The following AFF3 variants were observed in gnomAD, a reference collection of about 807,000 sequenced individuals.
The protein encoded by AFF3 is ALF transcription elongation factor 3.
A neutral mutation model predicts 129.7 loss-of-function variants in AFF3; 32 were observed. That is an observed-to-expected ratio of 0.25 (90% CI 0.19 to 0.33). The LOEUF (loss-of-function observed/expected upper bound fraction) is 0.33, where lower values mean the gene tolerates loss of function less well. Among genes scored for constraint, AFF3 ranks in the 10% least tolerant of loss-of-function variants. AFF3 has a pLI of 1.00. For missense variants in AFF3, 1,373 were observed against 1,592.0 expected (o/e 0.86, Z 2.34); for synonymous variants, 644 against 635.4 (o/e 1.01, Z -0.20).
In AFF3 at chr2:99,724,271, C is replaced by CTTTTTTTTTTTTTTTTTTTTTTT; in HGVS notation, c.1091+2805_1091+2806insAAAAAAAAAAAAAAAAAAAAAAA. ...TCCTCACTTCAGTGGAATGACCTTT[C>CTTTTTTTTTTTTTTTTTTTTTTT]TTTTTTTTTTTTTTTTTTTGAGACA... On this transcript the variant is annotated intron_variant, in intron 11 of 24. Transcript: ENST00000672756. 4.3e-3 allele frequency among the ~76,000 whole-genome samples: 289 copies of CTTTTTTTTTTTTTTTTTTTTTTT among 66,850 alleles called. 94 individuals are homozygous for CTTTTTTTTTTTTTTTTTTTTTTT. The highest frequency in any genetic ancestry group is 0.021 in the Middle Eastern group (1 of 48). The allele number at this position is 66,850 out of a possible 152,430, so 43.9% of individuals were successfully genotyped here.
At chr2:99,747,354 G>C (rs966037650) in intron 9 of AFF3, among the ~76,000 whole-genome samples, 6 of 150,272 alleles carry the variant, frequency 4.0e-5, no homozygotes, top group Non-Finnish European at 8.9e-5. Flanking sequence ...TTTAGAGACA[G>C]GGCCACATTC....
chr2:99,992,893 C>T (rs1162220407), intron 7 of AFF3, among the ~76,000 whole-genome samples: 4 of 152,202 alleles, frequency 2.6e-5, no homozygotes, highest in Non-Finnish European at 5.9e-5. Context: ...GACCTCATGT[C>T]CCAGCCTAAA....
At chr2:99,748,667 A>G (rs1387438250) in intron 9 of AFF3, among the ~76,000 whole-genome samples, 3 of 151,870 alleles carry the variant, frequency 2.0e-5, no homozygotes, top group South Asian at 2.1e-4. Context: ...AACCTTCTTG[A>G]CTCTAATGTT....
chr2:99,551,632 A>G, intron 24 of AFF3, 37 bp from the exon 25 acceptor site: 1 of 1,613,218 alleles, frequency 6.2e-7, no homozygotes, highest in Non-Finnish European at 8.5e-7. Flanking sequence ...AATGCCACAC[A>G]TGCTAGGTGT....
chr2:99,789,591 C>G (rs77115344), intron 8 of AFF3, among the ~76,000 whole-genome samples: 2,553 of 152,206 alleles, frequency 0.017, 53 homozygotes, highest in East Asian at 0.092. Context: ...GGCCTCTCTG[C>G]ATCCCCCCTG....
At chr2:99,987,875 C>T (rs1270164045) in intron 7 of AFF3, among the ~76,000 whole-genome samples, 1 of 152,198 alleles carries the variant, frequency 6.6e-6, no homozygotes, top group African/African-American at 2.4e-5. Context: ...GCTTATAAAA[C>T]ACTATGAACC....
At chr2:99,624,844 C>A (rs1001763198) in intron 13 of AFF3, among the ~76,000 whole-genome samples, 16 of 152,214 alleles carry the variant, frequency 1.1e-4, no homozygotes, top group African/African-American at 3.9e-4. Context: ...CTCGTGTCTG[C>A]CCTCCGGAGA....
intron 13 of AFF3, among the ~76,000 whole-genome samples, chr2:99,636,878 T>G (rs557881239): frequency 1.3e-5 from 2 of 152,328 alleles, no homozygotes; most frequent in Admixed American, 6.5e-5. Context: ...GCCAGCCCAG[T>G]GCAGCCAAGG....
chr2:100,069,803 TAGAA>T (rs1228205491), intron 4 of AFF3, among the ~76,000 whole-genome samples: 2 of 152,206 alleles, frequency 1.3e-5, no homozygotes, highest in Admixed American at 6.5e-5. Flanking sequence ...AATGCAGTAA[TAGAA>T]AGCCTATGAT....
intron 17 of AFF3, among the ~76,000 whole-genome samples, chr2:99,580,121 C>T (rs537861762): frequency 6.6e-5 from 10 of 152,190 alleles, no homozygotes; most frequent in Admixed American, 6.5e-4. Context: ...GGCCTCTGTT[C>T]CCCAGATTCA....
chr2:100,108,867 C>T (rs1691414956), intron 2 of AFF3, among the ~76,000 whole-genome samples: 1 of 148,574 alleles, frequency 6.7e-6, no homozygotes, highest in Non-Finnish European at 1.5e-5. Flanking sequence ...TGACATTCTA[C>T]ACCCTGGGAA....
intron 7 of AFF3, among the ~76,000 whole-genome samples, chr2:99,975,424 T>C (rs1477636509): frequency 6.6e-6 from 1 of 152,224 alleles, no homozygotes; most frequent in Non-Finnish European, 1.5e-5. Context: ...AGCAAGAAAG[T>C]CTGATTTCAA....
chr2:99,959,115 G>C (rs1676961013), intron 7 of AFF3, among the ~76,000 whole-genome samples: 1 of 151,994 alleles, frequency 6.6e-6, no homozygotes, highest in African/African-American at 2.4e-5. Context: ...AAATAAAGGA[G>C]AGGACAGCAA....
At chr2:99,983,936 A>G (rs1199684061) in intron 7 of AFF3, among the ~76,000 whole-genome samples, 3 of 152,140 alleles carry the variant, frequency 2.0e-5, no homozygotes, top group Non-Finnish European at 4.4e-5. Context: ...AAAGGTTTTT[A>G]TAAAACTCTG....
chr2:99,853,405 T>C (rs184146545), intron 7 of AFF3, among the ~76,000 whole-genome samples: 1 of 152,270 alleles, frequency 6.6e-6, no homozygotes, highest in African/African-American at 2.4e-5. Flanking sequence ...AATAAGATAG[T>C]AAGGAAGATT....
intron 11 of AFF3, among the ~76,000 whole-genome samples, chr2:99,711,274 C>T (rs543230462): frequency 1.3e-5 from 2 of 152,110 alleles, no homozygotes; most frequent in South Asian, 2.1e-4. Flanking sequence ...CTTGGCTCTG[C>T]GGCTCATGAC....
intron 7 of AFF3, among the ~76,000 whole-genome samples, chr2:99,865,667 G>A (rs1691335978): frequency 6.6e-6 from 1 of 152,136 alleles, no homozygotes; most frequent in Non-Finnish European, 1.5e-5. Flanking sequence ...GCAAGTTGAT[G>A]AAAAATTAAT....
At chr2:99,930,025 A>T (rs1696554115) in intron 7 of AFF3, among the ~76,000 whole-genome samples, 1 of 152,050 alleles carries the variant, frequency 6.6e-6, no homozygotes, top group African/African-American at 2.4e-5. Context: ...GATGAGATGG[A>T]GACTGCCACA....
intron 8 of AFF3, among the ~76,000 whole-genome samples, chr2:99,818,173 A>G (rs905529633): frequency 1.3e-5 from 2 of 152,208 alleles, no homozygotes; most frequent in Non-Finnish European, 2.9e-5. Flanking sequence ...GCTCAAAGGA[A>G]ATGTTTATTG....
Sources: gnomAD v4.1 joint callset for allele counts (sites outside exome capture counted in the v4.1 genomes callset) on GRCh38, gnomAD v4.1.1 for gene constraint, MANE v1.5 for transcripts, NCBI Gene and HGNC (gene_info 2026-07-23, HGNC 2026-07-21) for gene names.